The following PSEN2 variants were observed in gnomAD, a reference collection of about 807,000 sequenced individuals.
PSEN2 encodes presenilin-2.
A neutral mutation model predicts 49.1 loss-of-function variants in PSEN2; 32 were observed. The observed-to-expected ratio is 0.65, with a 90% CI of 0.49 to 0.88. The LOEUF (loss-of-function observed/expected upper bound fraction) is 0.88, where lower values mean the gene tolerates loss of function less well. Among genes scored for constraint, PSEN2 ranks in the 40% least tolerant of loss-of-function variants. The probability of loss-of-function intolerance (pLI) is 0.00; values close to 1 mark genes in which losing one functional copy is unlikely to be tolerated. For synonymous variants in PSEN2, 255 were observed against 244.0 expected, an observed-to-expected ratio of 1.05 and a Z score of -0.42; for missense variants, 522 against 586.9, an observed-to-expected ratio of 0.89 and a Z score of 1.14.
At position 226,885,553 on chromosome 1, in the gene PSEN2, C is replaced by T. The variant is rs753371172; in HGVS notation, c.372C>T (p.Phe124=). Residue 124 remains phenylalanine (F), a synonymous_variant, in exon 6 of 13, where the codon TTC becomes TTT. Transcript: ENST00000366783. The part of the protein sequence containing the change: ...EKNGQLIYTP[F]TEDTPSVGQR... ...TCTCCCTCAGCATCTACACGCCATT[C>T]ACTGAGGACACACCCTCGGTGGGCC... 5 of 1,614,046 alleles carry T rather than the reference C, an allele frequency of 3.1e-6. No individual in the cohort carries two copies. Among genetic ancestry groups the T allele is most frequent in the South Asian group, 2.2e-5 (2 of 91,066 alleles).
At chr1:226,903,640 TC>T (rs1266166801) in intron 12 of PSEN2, 2 of 152,094 alleles carry the variant, frequency 1.3e-5, no homozygotes, top group Non-Finnish European at 2.9e-5. Flanking sequence ...TCGTGTTTAC[TC>T]CCCTATTAAA....
intron 3 of PSEN2, among the ~76,000 whole-genome samples, chr1:226,879,271 GGGAT>G (rs1291590737): frequency 6.6e-6 from 1 of 152,170 alleles, no homozygotes; most frequent in Non-Finnish European, 1.5e-5. Context: ...AGCTCTTTGG[GGGAT>G]GTGAAGCTGT....
downstream of PSEN2, chr1:226,897,520 AC>A (rs1662190260): frequency 6.4e-6 from 1 of 155,062 alleles, no homozygotes; most frequent in African/African-American, 2.4e-5. Flanking sequence ...GAACAAAGAC[AC>A]TGGAGGAGAT....
At chr1:226,885,934 A>T (rs1282413737) in intron 6 of PSEN2, among the ~76,000 whole-genome samples, 3 of 147,082 alleles carry the variant, frequency 2.0e-5, no homozygotes, top group African/African-American at 7.6e-5. Flanking sequence ...CAGTGGTGCG[A>T]TCATGACTCA....
rs753503617 is a variant in PSEN2 at position 226,894,011 on chromosome 1, C to G, written c.1077C>G (p.Gly359=). Residue 359 remains glycine, a synonymous_variant, in exon 12 of 13, where the codon GGC becomes GGG. Transcript: ENST00000366783. ...TTACTGTCTCTCCTCACACAGGGGG[C>G]GTGAAGCTTGGCCTCGGGGACTTCA... ...GEELEEEEER[G]VKLGLGDFIF... is the part of the protein sequence containing the mutation. 5 of 1,612,312 alleles carry G rather than the reference C, an allele frequency of 3.1e-6. No individual in the cohort carries two copies. The highest frequency in any genetic ancestry group is 1.7e-5 in the Admixed American group (1 of 60,000).
At chr1:226,895,366 C>T in intron 12 of PSEN2, 58 bp from the exon 13 acceptor site, 1 of 1,601,694 alleles carries the variant, frequency 6.2e-7, no homozygotes, top group Non-Finnish European at 8.5e-7. Context: ...GACCATGACT[C>T]ACAGCTCCTG....
chr1:226,871,747 A>G (rs1380499119), intron 2 of PSEN2, among the ~76,000 whole-genome samples: 2 of 152,354 alleles, frequency 1.3e-5, no homozygotes, highest in South Asian at 2.1e-4. Context: ...CAAGGCCTTC[A>G]GCCAAGACCT....
intron 2 of PSEN2, among the ~76,000 whole-genome samples, chr1:226,874,555 C>G (rs996931726): frequency 4.6e-5 from 7 of 152,106 alleles, no homozygotes; most frequent in Non-Finnish European, 1.0e-4. Context: ...GCCTTTGAAG[C>G]CAGTTCATGT....
chr1:226,889,016 G>A lies in PSEN2; in HGVS notation c.754G>A (p.Ala252Thr), dbSNP rs138836272. ...CATCAAGTACCTCCCAGAGTGGTCC[G>A]CGTGGGTCATCCTGGGCGCCATCTC... is the stretch of plus-strand genomic sequence containing the variant. ...VFIKYLPEWS[A>T]WVILGAISVY... The change falls in exon 8 of 13, where the codon GCG (alanine) becomes ACG (threonine). Residue 252 changes from alanine (A) to threonine (T), a missense_variant. By Grantham distance (58) the Ala-to-Thr change is moderately conservative. Coordinates refer to ENST00000366783, the MANE Select transcript of PSEN2 (RefSeq NM_000447.3). 191 of 1,614,066 alleles carry A rather than the reference G, an allele frequency of 1.2e-4. No individual in the cohort carries two copies. In the African/African-American group the frequency reaches 1.5e-3, roughly 13 times the overall value.
rs199645229 is a variant in PSEN2, at chr1:226,895,863, T to A, written c.*284T>A. On this transcript the variant is annotated 3_prime_UTR_variant, in exon 13 of 13. Coordinates refer to ENST00000366783, the MANE Select transcript of PSEN2 (RefSeq NM_000447.3). ...TCAGATTAGGGCGGGGAGAAGAGCA[T>A]CCGGCATGAGGGCTGAGATGCGCAA... 36 of 504,132 alleles carry A rather than the reference T, an allele frequency of 7.1e-5. No individual in the cohort carries two copies. The highest frequency in any genetic ancestry group is 1.1e-3 in the Middle Eastern group (2 of 1,772). 31.2% of individuals were successfully genotyped at this position (504,132 alleles called of 1,614,324 possible).
intron 2 of PSEN2, among the ~76,000 whole-genome samples, chr1:226,872,547 T>C (rs912438802): frequency 6.6e-6 from 1 of 152,214 alleles, no homozygotes; most frequent in Non-Finnish European, 1.5e-5. Flanking sequence ...GTCTCTCCAC[T>C]ACTGCTGGGA....
intron 9 of PSEN2, chr1:226,890,872 C>T (rs1458587085): frequency 5.5e-5 from 13 of 236,892 alleles, no homozygotes; most frequent in Non-Finnish European, 8.3e-5. Flanking sequence ...GTTGAGGATT[C>T]GAGCCCGTAG....
At chr1:226,891,242 C>T in intron 9 of PSEN2, 36 bp from the exon 10 acceptor site, 2 of 1,596,546 alleles carry the variant, frequency 1.3e-6, no homozygotes, top group African/African-American at 2.7e-5. Context: ...CCACTGTTAG[C>T]ACCGCCTGAG....
downstream of PSEN2, among the ~76,000 whole-genome samples, chr1:226,900,987 C>T (rs1385650443): frequency 6.6e-6 from 1 of 152,192 alleles, no homozygotes; most frequent in Non-Finnish European, 1.5e-5. Flanking sequence ...ACAGAGATCA[C>T]TGACTTGCCC....
chr1:226,896,436 C>G (rs764164826), downstream of PSEN2, among the ~76,000 whole-genome samples: 2 of 152,212 alleles, frequency 1.3e-5, no homozygotes, highest in Non-Finnish European at 1.5e-5. Context: ...TCTGCAGAAG[C>G]CTGTGAGGGC....
intron 9 of PSEN2, among the ~76,000 whole-genome samples, chr1:226,890,359 T>A (rs980015739): frequency 1.3e-5 from 2 of 152,230 alleles, no homozygotes; most frequent in African/African-American, 4.8e-5. Context: ...AGTCCCTGAC[T>A]TCATCCCGTC....
chr1:226,872,633 G>C (rs905952800), intron 2 of PSEN2, among the ~76,000 whole-genome samples: 2 of 152,244 alleles, frequency 1.3e-5, no homozygotes, highest in African/African-American at 2.4e-5. Context: ...AGCAGTGTGT[G>C]TAGGTCACAT....
intron 4 of PSEN2, among the ~76,000 whole-genome samples, chr1:226,883,329 A>G (rs566632100): frequency 1.2e-4 from 19 of 152,292 alleles, no homozygotes; most frequent in Admixed American, 7.8e-4. Context: ...AAAAATGTTT[A>G]TTTATCTCCT....
At chr1:226,887,997 C>A in intron 6 of PSEN2, 94 bp from the exon 7 acceptor site, 2 of 1,016,472 alleles carry the variant, frequency 2.0e-6, no homozygotes, top group African/African-American at 1.6e-5. Flanking sequence ...TAATGAAGAG[C>A]ATTCAGGCTT....
Sources: gnomAD v4.1 joint callset for allele counts (sites outside exome capture counted in the v4.1 genomes callset) on GRCh38, gnomAD v4.1.1 for gene constraint, MANE v1.5 for transcripts, NCBI Gene and HGNC (gene_info 2026-07-23, HGNC 2026-07-21) for gene names.